SPTBN1: variants seen among roughly 807,000 people sequenced by gnomAD.
SPTBN1 encodes the protein spectrin beta, non-erythrocytic 1, also known as spectrin beta chain, non-erythrocytic 1.
SPTBN1 carries 32 observed loss-of-function variants against 266.4 expected under a neutral mutation model. That is an observed-to-expected ratio of 0.12 (90% confidence interval 0.09 to 0.16). The LOEUF (loss-of-function observed/expected upper bound fraction) is 0.16, where lower values mean the gene tolerates loss of function less well. SPTBN1 is among the 10% of genes least tolerant of loss of function. SPTBN1 has a pLI of 1.00. For synonymous variants in SPTBN1, 1,336 were observed against 1,162.2 expected (o/e 1.15, Z -3.04); for missense variants, 2,296 against 3,067.1 (o/e 0.75, Z 5.94).
chr2:54,641,292 C>T (rs1013945369), intron 18 of SPTBN1, among the ~76,000 whole-genome samples: 3 of 147,450 alleles, frequency 2.0e-5, no homozygotes, highest in Admixed American at 6.7e-5. Flanking sequence ...TTTTATGTAG[C>T]GCGCTCTCTC....
chr2:54,631,616 G>T lies in SPTBN1; in HGVS notation c.3564+5G>T, dbSNP rs1316786261. The T allele has an allele frequency of 6.2e-7, 1 of 1,604,352 alleles. No individual in the cohort carries two copies. Among genetic ancestry groups the T allele is most frequent in the African/African-American group, 1.3e-5 (1 of 74,934 alleles). The stretch of plus-strand genomic sequence containing the variant: ...GAAGCCTTTCTTAACAACCAGGTAA[G>T]GTTTGTTCCTGCCTTTGCTTCCTTT... On this transcript the variant is annotated splice_donor_5th_base_variant and intron_variant, in intron 16 of 35. Transcript: ENST00000356805.
chr2:54,575,386 CT>C (rs1674390467), intron 2 of SPTBN1, among the ~76,000 whole-genome samples: 1 of 152,198 alleles, frequency 6.6e-6, no homozygotes, highest in South Asian at 2.1e-4. Flanking sequence ...TGAGTAAATT[CT>C]TCCATTAAAA....
rs2103901354 is a variant in SPTBN1 at position 54,626,348 on chromosome 2, A to C, written c.1644+114A>C. 7.8e-7 allele frequency: 1 copy of C among 1,285,450 alleles called. No homozygotes were observed. The highest frequency in any genetic ancestry group is 1.1e-6 in the Non-Finnish European group (1 of 944,428). The allele number at this position is 1,285,450 out of a possible 1,614,324, so 79.6% of individuals were successfully genotyped here. On this transcript the variant is annotated intron_variant, in intron 12 of 35. Transcript: ENST00000356805. This position sits in a 1 kb window ranked among gnomAD's most constrained non-coding sequence, Gnocchi z 4.7. ...CTGTGTGCCTTGTCTAACTGCCCACATGTACAGCTAGAGAGGAGCCACATC... is the reference window on the plus strand; with the variant it reads ...CTGTGTGCCTTGTCTAACTGCCCACCTGTACAGCTAGAGAGGAGCCACATC...
At chr2:54,525,039 C>T (rs571087043) in intron 1 of SPTBN1, among the ~76,000 whole-genome samples, 1 of 152,280 alleles carries the variant, frequency 6.6e-6, no homozygotes, top group South Asian at 2.1e-4. Context: ...GAGCCAGGTC[C>T]TTATTGCGTT....
intron 2 of SPTBN1, among the ~76,000 whole-genome samples, chr2:54,592,944 G>C (rs1414900657): frequency 1.3e-5 from 2 of 152,134 alleles, no homozygotes; most frequent in Non-Finnish European, 2.9e-5. Context: ...CTACCTAATA[G>C]TTTGCTGTGA....
In SPTBN1 at chr2:54,649,198, C is replaced by A. The variant is rs199587440; in HGVS notation, c.5202+8C>A. On this transcript the variant is annotated splice_region_variant and intron_variant, in intron 25 of 35. Transcript: ENST00000356805. The surrounding 1 kb of genome is among the most constrained non-coding windows in gnomAD (Gnocchi z 6.7). ...GACTATGAGCATGTCACGGCAAGTACTTGAGGCAGTGCATGAGTTGGTTGT... is the reference window on the plus strand; with the variant it reads ...GACTATGAGCATGTCACGGCAAGTAATTGAGGCAGTGCATGAGTTGGTTGT... The A allele has an allele frequency of 6.3e-7, 1 of 1,590,240 alleles. No homozygotes were observed. Among genetic ancestry groups the A allele is most frequent in the Non-Finnish European group, 8.6e-7 (1 of 1,162,478 alleles).
chr2:54,586,994 TG>T (rs1360926881), intron 2 of SPTBN1, among the ~76,000 whole-genome samples: 2 of 152,210 alleles, frequency 1.3e-5, no homozygotes, highest in Non-Finnish European at 2.9e-5. Flanking sequence ...TCCGGAAACC[TG>T]GAGTAGATTG....
At chr2:54,523,047 G>A (rs1184774219) in intron 1 of SPTBN1, among the ~76,000 whole-genome samples, 1 of 152,104 alleles carries the variant, frequency 6.6e-6, no homozygotes, top group Non-Finnish European at 1.5e-5. Context: ...CTCCAAGTTT[G>A]AATTTTATAA....
intron 2 of SPTBN1, among the ~76,000 whole-genome samples, chr2:54,586,586 A>G (rs1221922081): frequency 3.3e-5 from 5 of 152,224 alleles, no homozygotes; most frequent in Non-Finnish European, 7.3e-5. Flanking sequence ...GGGAGCTTCC[A>G]TAATTCATTC....
At chr2:54,483,085 G>C (rs1300432207) in intron 1 of SPTBN1, among the ~76,000 whole-genome samples, 1 of 152,194 alleles carries the variant, frequency 6.6e-6, no homozygotes, top group African/African-American at 2.4e-5. Context: ...TTTCAGAGCC[G>C]AGGAATGCCC....
chr2:54,595,627 T>G (rs1231285648), intron 2 of SPTBN1, among the ~76,000 whole-genome samples: 1 of 152,234 alleles, frequency 6.6e-6, no homozygotes, highest in Non-Finnish European at 1.5e-5. Flanking sequence ...TGAGTGGGCC[T>G]GAAGGCCGGC....
intron 1 of SPTBN1, among the ~76,000 whole-genome samples, chr2:54,516,700 C>G (rs1362247108): frequency 6.6e-6 from 1 of 152,268 alleles, no homozygotes; most frequent in Middle Eastern, 3.4e-3. Flanking sequence ...GAAGTGTGAA[C>G]TCAAAATGTC....
intron 3 of SPTBN1, among the ~76,000 whole-genome samples, chr2:54,601,173 C>A (rs1042753207): frequency 2.0e-5 from 3 of 152,094 alleles, no homozygotes; most frequent in African/African-American, 7.2e-5. Context: ...CTTAGGCAGT[C>A]GATATCAGTA....
At chr2:54,568,226 C>G (rs1017567097) in intron 2 of SPTBN1, among the ~76,000 whole-genome samples, 1 of 151,336 alleles carries the variant, frequency 6.6e-6, no homozygotes, top group African/African-American at 2.4e-5. Flanking sequence ...ACTAAAAATA[C>G]AAAAATCAGC....
At chr2:54,517,644 CTT>C (rs527318328) in intron 1 of SPTBN1, among the ~76,000 whole-genome samples, 1 of 140,714 alleles carries the variant, frequency 7.1e-6, no homozygotes, top group Non-Finnish European at 1.6e-5. Flanking sequence ...TCTATGGTGC[CTT>C]TTTTTTTTTT....
rs2104288621 is a variant in SPTBN1, at chr2:54,669,602, C to T, written c.*1033C>T. ...TGGTCGCTCAGGCCTGGTGCTCAGT[C>T]GTACGACCTGTACCTCTCAACTTTT... On this transcript the variant is annotated 3_prime_UTR_variant, in exon 36 of 36. Transcript: ENST00000356805. The T allele has an allele frequency of 6.5e-6, 1 of 152,762 alleles. No homozygotes were observed. The highest frequency in any genetic ancestry group is 1.5e-5 in the Non-Finnish European group (1 of 68,038). 9.5% of individuals were successfully genotyped at this position (152,762 alleles called of 1,614,324 possible).
At position 54,493,429 on chromosome 2, in the gene SPTBN1, C is replaced by T. The variant is rs368545112; in HGVS notation, c.-47-32943C>T. 7.1e-5 allele frequency among the ~76,000 whole-genome samples: 10 copies of T among 140,220 alleles called. No homozygotes were observed. In the East Asian group the frequency reaches 2.2e-3, roughly 31 times the overall value. 92.0% of individuals were successfully genotyped at this position (140,220 alleles called of 152,430 possible). On this transcript the variant is annotated intron_variant, in intron 1 of 35. Transcript: ENST00000356805. ...TTCTTTTTTGGGGGGTTGGGGGAGA[C>T]AGTCTAACTCTTGTCACGCAGACTG... is the stretch of plus-strand genomic sequence containing the variant.
intron 1 of SPTBN1, among the ~76,000 whole-genome samples, chr2:54,473,378 C>A (rs968320397): frequency 1.3e-5 from 2 of 152,196 alleles, no homozygotes; most frequent in African/African-American, 4.8e-5. Flanking sequence ...TTTTCACTTT[C>A]AGATGGCAAA....
chr2:54,629,086 A>T lies in SPTBN1; in HGVS notation c.1952A>T (p.Glu651Val). 1 of 1,613,746 alleles carries T rather than the reference A, an allele frequency of 6.2e-7. No individual in the cohort carries two copies. Among genetic ancestry groups the T allele is most frequent in the Non-Finnish European group, 8.5e-7 (1 of 1,179,948 alleles). Residue 651 changes from glutamate (E) to valine (V), a missense_variant, in exon 14 of 36, where the codon GAA becomes GTA. Around this residue, in one of 12 missense-constraint regions of SPTBN1, gnomAD observed 434 missense variants for 573.9 expected, o/e 0.76. Coordinates refer to ENST00000356805, the MANE Select transcript of SPTBN1 (RefSeq NM_003128.3). ...WKFFWEMAEE[E>V]GWIREKEKIL... ...TTCTTCTGGGAGATGGCAGAAGAGG[A>T]AGGCTGGATACGGGAGAAGGAGAAG...
Sources: allele counts gnomAD v4.1 joint callset (sites outside exome capture counted in the v4.1 genomes callset), GRCh38; gene constraint gnomAD v4.1.1; regional missense constraint gnomAD v4.1.1; non-coding constraint Gnocchi (gnomAD v3.1); transcripts MANE v1.5; gene names NCBI Gene and HGNC (gene_info 2026-07-23, HGNC 2026-07-21).